The following IL1RAPL2 variants were observed in gnomAD, a reference collection of about 807,000 sequenced individuals.
The protein encoded by IL1RAPL2 is X-linked interleukin-1 receptor accessory protein-like 2.
A neutral mutation model predicts 44.1 loss-of-function variants in IL1RAPL2; 3 were observed. That is an observed-to-expected ratio of 0.07 (90% CI 0.03 to 0.18). The LOEUF (loss-of-function observed/expected upper bound fraction) is 0.18, where lower values mean the gene tolerates loss of function less well. Among genes scored for constraint, IL1RAPL2 ranks in the 10% least tolerant of loss-of-function variants. The probability of loss-of-function intolerance (pLI) is 1.00; values close to 1 mark genes in which losing one functional copy is unlikely to be tolerated. For missense variants in IL1RAPL2, 391 were observed against 496.4 expected, an observed-to-expected ratio of 0.79 and a Z score of 2.02; for synonymous variants, 181 against 178.8, an observed-to-expected ratio of 1.01 and a Z score of -0.10.
intron 6 of IL1RAPL2, among the ~76,000 whole-genome samples, chrX:105,583,774 G>A (rs1399176524): frequency 1.8e-5 from 2 of 110,639 alleles, no homozygotes; most frequent in Non-Finnish European, 3.8e-5. Flanking sequence ...CTCATTCTTT[G>A]TTCTTACTTG....
intron 6 of IL1RAPL2, among the ~76,000 whole-genome samples, chrX:105,715,745 C>T (rs183158219): frequency 5.4e-5 from 6 of 111,097 alleles, no homozygotes; most frequent in African/African-American, 2.0e-4. Context: ...ATTTACAAAC[C>T]CTGAAATCTA....
At chrX:105,206,806 A>C (rs1398690686) in intron 3 of IL1RAPL2, among the ~76,000 whole-genome samples, 1 of 111,976 alleles carries the variant, frequency 8.9e-6, no homozygotes, top group Non-Finnish European at 1.9e-5. Flanking sequence ...GAAGTGCTTA[A>C]AAGTTGTTTT....
intron 6 of IL1RAPL2, among the ~76,000 whole-genome samples, chrX:105,592,708 G>A (rs2037181403): frequency 9.0e-6 from 1 of 111,568 alleles, no homozygotes; most frequent in African/African-American, 3.3e-5. Flanking sequence ...GGCTGGATGT[G>A]GAATTCTTGT....
chrX:104,626,296 A>ACGCG (rs1569283645), intron 1 of IL1RAPL2, among the ~76,000 whole-genome samples: 3 of 72,289 alleles, frequency 4.2e-5, no homozygotes, highest in African/African-American at 2.4e-4. Context: ...TGACTGTCTC[A>ACGCG]TGCGTGTGTG....
chrX:104,692,802 C>T (rs948484397), intron 2 of IL1RAPL2, among the ~76,000 whole-genome samples: 8 of 111,756 alleles, frequency 7.2e-5, no homozygotes, highest in African/African-American at 1.3e-4. Flanking sequence ...CCGCTATAAA[C>T]ATACGTGTGC....
At chrX:105,514,687 A>C (rs2036498759) in intron 6 of IL1RAPL2, among the ~76,000 whole-genome samples, 1 of 111,731 alleles carries the variant, frequency 9.0e-6, no homozygotes, top group African/African-American at 3.3e-5. Flanking sequence ...AAAAGGAGGC[A>C]CATGAGGAGA....
At chrX:104,988,361 G>T (rs772925855) in intron 2 of IL1RAPL2, among the ~76,000 whole-genome samples, 1 of 112,345 alleles carries the variant, frequency 8.9e-6, no homozygotes, top group Non-Finnish European at 1.9e-5. Flanking sequence ...GGTGATTATA[G>T]TTAGGAGCTA....
chrX:105,572,945 T>G (rs1487887046), intron 6 of IL1RAPL2, among the ~76,000 whole-genome samples: 2 of 112,220 alleles, frequency 1.8e-5, no homozygotes, highest in African/African-American at 6.5e-5. Flanking sequence ...GTGGTAGAGA[T>G]GAACCTAGTG....
intron 2 of IL1RAPL2, among the ~76,000 whole-genome samples, chrX:104,892,360 A>T (rs189815427): frequency 2.7e-5 from 3 of 112,016 alleles, no homozygotes; most frequent in Non-Finnish European, 5.6e-5. Flanking sequence ...GAATCATTTC[A>T]GAAGGAATGG....
intron 6 of IL1RAPL2, among the ~76,000 whole-genome samples, chrX:105,526,032 T>C (rs776667588): frequency 8.9e-6 from 1 of 111,768 alleles, no homozygotes; most frequent in Non-Finnish European, 1.9e-5. Flanking sequence ...TACTCAAAGC[T>C]TTCTTAATCC....
intron 2 of IL1RAPL2, among the ~76,000 whole-genome samples, chrX:105,140,126 T>G (rs2033113578): frequency 8.9e-6 from 1 of 112,605 alleles, no homozygotes; most frequent in African/African-American, 3.2e-5. Flanking sequence ...TGGCTACATT[T>G]AACATGAGTG....
intron 5 of IL1RAPL2, among the ~76,000 whole-genome samples, chrX:105,386,240 T>C (rs1015536175): frequency 4.5e-5 from 5 of 112,208 alleles, no homozygotes; most frequent in African/African-American, 1.6e-4. Context: ...ACAAATGAAA[T>C]ATAAATAAAA....
At chrX:104,804,615 CAA>C (rs1036263113) in intron 2 of IL1RAPL2, among the ~76,000 whole-genome samples, 2 of 112,166 alleles carry the variant, frequency 1.8e-5, no homozygotes, top group African/African-American at 3.2e-5. Flanking sequence ...AGAAGGAACT[CAA>C]AGACTCTTTT....
At chrX:105,368,742 G>T (rs931401498) in intron 5 of IL1RAPL2, among the ~76,000 whole-genome samples, 1 of 111,209 alleles carries the variant, frequency 9.0e-6, no homozygotes, top group African/African-American at 3.3e-5. Flanking sequence ...TCACACTTGG[G>T]AAGTTTTCTG....
chrX:105,288,768 G>T (rs986993567), intron 5 of IL1RAPL2, among the ~76,000 whole-genome samples: 1 of 110,684 alleles, frequency 9.0e-6, no homozygotes, highest in African/African-American at 3.3e-5. Context: ...CATTAAATTT[G>T]TCTTGGTGGG....
intron 5 of IL1RAPL2, among the ~76,000 whole-genome samples, chrX:105,388,518 C>A (rs933046299): frequency 9.1e-6 from 1 of 109,820 alleles, no homozygotes; most frequent in African/African-American, 3.3e-5. Flanking sequence ...TAATTTACAG[C>A]TTAACCTCTT....
intron 6 of IL1RAPL2, among the ~76,000 whole-genome samples, chrX:105,508,637 A>T: frequency 9.1e-6 from 1 of 109,319 alleles, no homozygotes; most frequent in Admixed American, 9.8e-5. Flanking sequence ...GGCCCTTCAG[A>T]AGCTGGCAGA....
intron 2 of IL1RAPL2, among the ~76,000 whole-genome samples, chrX:104,812,365 A>C (rs1049611395): frequency 4.5e-5 from 5 of 111,045 alleles, no homozygotes; most frequent in Non-Finnish European, 9.4e-5. Context: ...AAAAAATGCA[A>C]CTGACCCATA....
chrX:105,669,981 C>T lies in IL1RAPL2; in HGVS notation c.773-47386C>T, dbSNP rs5962296. Among the ~76,000 whole-genome samples the T allele has an allele frequency of 4.4e-3, 453 of 102,231 alleles. 1 individual carries two copies. The highest frequency in any genetic ancestry group is 0.01 in the Middle Eastern group (2 of 194). 88.8% of individuals were successfully genotyped at this position (102,231 alleles called of 115,157 possible). ...TTCATTATTTTTTGCCTATGGATGT[C>T]CAGTTTTTCTAGCACCATTTGTTGA... On this transcript the variant is annotated intron_variant, in intron 6 of 10. Transcript: ENST00000372582.
Sources: allele counts gnomAD v4.1 joint callset (sites outside exome capture counted in the v4.1 genomes callset), GRCh38; gene constraint gnomAD v4.1.1; transcripts MANE v1.5; gene names NCBI Gene and HGNC (gene_info 2026-07-23, HGNC 2026-07-21).